The following TUBA1C variants were observed in gnomAD, a reference collection of about 807,000 sequenced individuals.
TUBA1C encodes tubulin alpha 1c.
Under a neutral mutation model 34.9 loss-of-function variants are expected in TUBA1C, and 16 were observed. The observed-to-expected ratio is 0.46, with a 90% CI of 0.31 to 0.70. TUBA1C has a LOEUF of 0.70. Among genes scored for constraint, TUBA1C ranks in the 30% least tolerant of loss-of-function variants. The pLI is 0.05. For synonymous variants in TUBA1C, 177 were observed against 215.9 expected, an observed-to-expected ratio of 0.82 and a Z score of 1.58; for missense variants, 329 against 587.3, an observed-to-expected ratio of 0.56 and a Z score of 4.55.
At position 49,247,966 on chromosome 12, in the gene TUBA1C, GAGAA is replaced by G. The variant is rs1360038633; in HGVS notation, c.213+19814_213+19817del. Reference sequence around the variant, plus strand: ...CCGTCTCAAAAAAAAAAAAAAAAGAGAGAAAGAAAGAAAGAAAAGTAAAATCAGA... The same window carrying G: ...CCGTCTCAAAAAAAAAAAAAAAAGAGAGAAAGAAAGAAAAGTAAAATCAGA... On this transcript the variant is annotated intron_variant, in intron 1 of 3. Transcript: ENST00000541364. 8.5e-5 allele frequency among the ~76,000 whole-genome samples: 12 copies of G among 141,816 alleles called. 1 individual carries two copies. The highest frequency in any genetic ancestry group is 4.6e-4 in the South Asian group (2 of 4,388). 93.0% of individuals were successfully genotyped at this position (141,816 alleles called of 152,430 possible).
chr12:49,269,800 C>A (rs755891563), intron 2 of TUBA1C, 28 bp from the exon 3 acceptor site: 1 of 1,613,254 alleles, frequency 6.2e-7, no homozygotes, highest in Non-Finnish European at 8.5e-7. Flanking sequence ...CCTTGTCCCT[C>A]CTCCTCCTCC....
chr12:49,234,934 C>CA (rs1180360786), intron 1 of TUBA1C, among the ~76,000 whole-genome samples: 2 of 152,112 alleles, frequency 1.3e-5, no homozygotes, highest in African/African-American at 4.8e-5. Context: ...TCTCCTGCCT[C>CA]AGACTCCCGA....
intron 1 of TUBA1C, among the ~76,000 whole-genome samples, chr12:49,230,365 A>G (rs1301610758): frequency 3.9e-5 from 6 of 152,168 alleles, no homozygotes; most frequent in African/African-American, 1.4e-4. Context: ...GAAAGGTGAG[A>G]CACGCCCACG....
At chr12:49,244,018 C>T (rs1282904828) in intron 1 of TUBA1C, among the ~76,000 whole-genome samples, 3 of 151,680 alleles carry the variant, frequency 2.0e-5, no homozygotes, top group Non-Finnish European at 2.9e-5. Context: ...GGTGTGGTGG[C>T]GGGCACCTGT....
At chr12:49,241,441 A>G (rs1942613827) in intron 1 of TUBA1C, among the ~76,000 whole-genome samples, 1 of 152,184 alleles carries the variant, frequency 6.6e-6, no homozygotes, top group South Asian at 2.1e-4. Flanking sequence ...TGGAAGAGTG[A>G]CAAGGAGCAT....
upstream of TUBA1C, among the ~76,000 whole-genome samples, chr12:49,263,716 T>C (rs1044408737): frequency 6.6e-6 from 1 of 152,114 alleles, no homozygotes; most frequent in Non-Finnish European, 1.5e-5. Flanking sequence ...GATAACATGA[T>C]AGAGTTGCAG....
chr12:49,236,669 G>A (rs928222288), intron 1 of TUBA1C, among the ~76,000 whole-genome samples: 4 of 152,164 alleles, frequency 2.6e-5, no homozygotes, highest in African/African-American at 2.4e-5. Context: ...TTTCATCACT[G>A]TGCAAACATA....
At position 49,255,400 on chromosome 12, in the gene TUBA1C, TAA is replaced by T. The variant is rs1418702263; in HGVS notation, c.214-14060_214-14059del. Among the ~76,000 whole-genome samples the T allele has an allele frequency of 3.5e-5, 5 of 142,470 alleles. No homozygotes were observed. In the South Asian group the frequency reaches 1.1e-3, roughly 32 times the overall value. 93.5% of individuals were successfully genotyped at this position (142,470 alleles called of 152,430 possible). A position where few individuals can be genotyped will look rare whatever the true frequency, so the allele number is the denominator to read the frequency against. On this transcript the variant is annotated intron_variant, in intron 1 of 3. Coordinates refer to the TUBA1C transcript ENST00000541364. ...TTTCCCCAGCAGCTGAACTTATCTT[TAA>T]AAAATATATATATATATATATATAT...
chr12:49,253,933 A>C (rs957094479), intron 1 of TUBA1C, among the ~76,000 whole-genome samples: 13 of 152,198 alleles, frequency 8.5e-5, no homozygotes, highest in Admixed American at 8.5e-4. Flanking sequence ...GTGAGCAGGA[A>C]TACAGAACTG....
intron 1 of TUBA1C, among the ~76,000 whole-genome samples, chr12:49,232,243 C>A (rs1012772059): frequency 6.6e-6 from 1 of 152,178 alleles, no homozygotes; most frequent in Admixed American, 6.5e-5. Flanking sequence ...CTCATTTTTG[C>A]GGATAAATTC....
Position 49,265,115 on chromosome 12 carries a change from T to G in TUBA1C, c.-67T>G. The G allele has an allele frequency of 1.3e-6, 2 of 1,580,288 alleles. No individual in the cohort carries two copies. Among genetic ancestry groups the G allele is most frequent in the Non-Finnish European group, 1.7e-6 (2 of 1,158,604 alleles). On this transcript the variant is annotated 5_prime_UTR_variant, in exon 1 of 4. Transcript: ENST00000301072. ...TCCCCCGGACTCCTTGGTAGTCTGT[T>G]AGTGGGAGATCCTTGTTGCCGTCCC...
At chr12:49,235,831 GC>G (rs1942549640) in intron 1 of TUBA1C, among the ~76,000 whole-genome samples, 1 of 152,070 alleles carries the variant, frequency 6.6e-6, no homozygotes, top group African/African-American at 2.4e-5. Context: ...GAGCCCTCGG[GC>G]CTCAATGAGT....
chr12:49,265,228 G>A, intron 1 of TUBA1C, 44 bp downstream of exon 1: 2 of 1,547,042 alleles, frequency 1.3e-6, no homozygotes, highest in African/African-American at 1.4e-5. Flanking sequence ...GCGCGTCCCA[G>A]GGGACGGCGG....
At chr12:49,252,837 C>T (rs545155988) in intron 1 of TUBA1C, among the ~76,000 whole-genome samples, 3 of 152,204 alleles carry the variant, frequency 2.0e-5, no homozygotes, top group South Asian at 2.1e-4. Context: ...CACTTGAACC[C>T]GGGAGGCGGA....
upstream of TUBA1C, among the ~76,000 whole-genome samples, chr12:49,264,193 C>G (rs1241589944): frequency 6.7e-6 from 1 of 148,890 alleles, no homozygotes. Flanking sequence ...GCACTCCAGC[C>G]TGGGTGACAG....
upstream of TUBA1C, among the ~76,000 whole-genome samples, chr12:49,262,399 TAA>T (rs55985243): frequency 3.1e-4 from 13 of 42,058 alleles, no homozygotes; most frequent in East Asian, 7.2e-4. Context: ...AGACCCTGTG[TAA>T]AAAAAAAAAA....
At chr12:49,258,364 A>C (rs987803185) in intron 1 of TUBA1C, among the ~76,000 whole-genome samples, 1 of 152,078 alleles carries the variant, frequency 6.6e-6, no homozygotes, top group Non-Finnish European at 1.5e-5. Context: ...ACTTGAGCCC[A>C]GGAGTTTGTG....
At chr12:49,240,030 G>GCACACACA (rs1213382358) in intron 1 of TUBA1C, among the ~76,000 whole-genome samples, 2 of 104,476 alleles carry the variant, frequency 1.9e-5, no homozygotes, top group African/African-American at 8.2e-5. Context: ...CACCCTCAGA[G>GCACACACA]CACAGACACA....
intron 1 of TUBA1C, among the ~76,000 whole-genome samples, chr12:49,237,204 G>T (rs1451260306): frequency 3.3e-5 from 5 of 152,052 alleles, no homozygotes; most frequent in African/African-American, 1.2e-4. Context: ...TGGATCATCT[G>T]AGGCCAGGAG....
Sources: allele counts gnomAD v4.1 joint callset (sites outside exome capture counted in the v4.1 genomes callset), GRCh38; gene constraint gnomAD v4.1.1; transcripts MANE v1.5; gene names NCBI Gene and HGNC (gene_info 2026-07-23, HGNC 2026-07-21).